Variants in LYST observed in about 807,000 individuals in gnomAD.
The protein encoded by LYST is lysosomal-trafficking regulator.
A neutral mutation model predicts 413.6 loss-of-function variants in LYST; 192 were observed. The ratio of observed to expected loss-of-function variants is 0.46; its 90% CI spans 0.41 to 0.52. The LOEUF (loss-of-function observed/expected upper bound fraction) is 0.52. Among genes scored for constraint, LYST ranks in the 20% least tolerant of loss-of-function variants. The pLI is 0.00. For missense variants in LYST, 3,815 were observed against 4,499.9 expected (o/e 0.85, Z 4.35); for synonymous variants, 1,525 against 1,567.3 (o/e 0.97, Z 0.64).
exon 1 of LYST, chr1:235,883,215 G>A (rs1681454801): frequency 6.6e-6 from 1 of 152,140 alleles, no homozygotes; most frequent in Non-Finnish European, 1.5e-5. Context: ...TTTTAGATGA[G>A]CAAGGAACTC....
chr1:235,677,318 T>G, intron 49 of LYST, 130 bp from the exon 50 acceptor site: 1 of 1,060,782 alleles, frequency 9.4e-7, no homozygotes, highest in South Asian at 1.3e-5. Flanking sequence ...TCTGATTGTA[T>G]GACTTCAATA....
At chr1:235,798,436 T>C (rs1436376576) in intron 10 of LYST, among the ~76,000 whole-genome samples, 1 of 151,458 alleles carries the variant, frequency 6.6e-6, no homozygotes, top group South Asian at 2.1e-4. Flanking sequence ...TCAATTTCTC[T>C]GTAAATCTAA....
rs578114703 is a variant in LYST at position 235,693,918 on chromosome 1, C to T, written c.10565-432G>A. Among the ~76,000 whole-genome samples, 45 of 152,186 alleles carry T rather than the reference C, an allele frequency of 3.0e-4. No homozygotes were observed. In the East Asian group the frequency reaches 7.5e-3, roughly 25 times the overall value. On this transcript the variant is annotated intron_variant, in intron 46 of 52. Coordinates refer to ENST00000389793, the MANE Select transcript of LYST (RefSeq NM_000081.4). ...CTGCTAGAGTGGAAGCAACACCTAG[C>T]CTGAGAAGGGATCATTTAATCCTGT...
At chr1:235,688,618 G>A (rs146112420) in intron 47 of LYST, among the ~76,000 whole-genome samples, 9 of 152,246 alleles carry the variant, frequency 5.9e-5, no homozygotes, top group Non-Finnish European at 1.0e-4. Flanking sequence ...GCACACAGCC[G>A]TCAGGACTCT....
At chr1:235,676,669 A>G (rs995087265) in intron 50 of LYST, among the ~76,000 whole-genome samples, 2 of 152,202 alleles carry the variant, frequency 1.3e-5, no homozygotes, top group Non-Finnish European at 2.9e-5. Flanking sequence ...TTCATGAATC[A>G]TTAATAAAAG....
chr1:235,880,274 A>G (rs1558376325), intron 1 of LYST, among the ~76,000 whole-genome samples: 1 of 152,208 alleles, frequency 6.6e-6, no homozygotes, highest in African/African-American at 2.4e-5. Context: ...AATATATGTG[A>G]AAAAAACTCA....
intron 50 of LYST, among the ~76,000 whole-genome samples, chr1:235,666,185 T>C (rs1031375461): frequency 6.6e-6 from 1 of 150,982 alleles, no homozygotes; most frequent in Non-Finnish European, 1.5e-5. Flanking sequence ...ACAACCTAAA[T>C]GTCTATCAAC....
At chr1:235,785,200 C>A (rs1473543563) in intron 14 of LYST, among the ~76,000 whole-genome samples, 3 of 152,168 alleles carry the variant, frequency 2.0e-5, no homozygotes, top group Non-Finnish European at 2.9e-5. Context: ...AGGTTTAATA[C>A]CCTGTTCTTA....
intron 21 of LYST, among the ~76,000 whole-genome samples, chr1:235,764,026 C>T (rs1667857408): frequency 6.6e-6 from 1 of 152,152 alleles, no homozygotes; most frequent in Non-Finnish European, 1.5e-5. Flanking sequence ...CACTATTTGT[C>T]CCTAGGTCCC....
intron 22 of LYST, among the ~76,000 whole-genome samples, chr1:235,759,841 T>A (rs1181461337): frequency 6.6e-6 from 1 of 152,034 alleles, no homozygotes; most frequent in Non-Finnish European, 1.5e-5. Context: ...AGCCTCTAAC[T>A]CCTGGACTCA....
intron 3 of LYST, among the ~76,000 whole-genome samples, chr1:235,822,466 G>A (rs1423333735): frequency 6.6e-6 from 1 of 152,146 alleles, no homozygotes; most frequent in Non-Finnish European, 1.5e-5. Flanking sequence ...CAGATAACCT[G>A]TCTAATTCAC....
intron 44 of LYST, among the ~76,000 whole-genome samples, chr1:235,707,879 G>A (rs1289249501): frequency 6.6e-6 from 1 of 151,882 alleles, no homozygotes; most frequent in Non-Finnish European, 1.5e-5. Flanking sequence ...TTTTTGGGGG[G>A]GGATTTTGGA....
Position 235,805,803 on chromosome 1 carries a change from G to A in LYST, c.3333C>T (p.Ala1111=), listed in dbSNP as rs1311269346. Reference sequence around the variant, plus strand: ...TAGTTCTGGCACCATGAAGACAAATGGCCAGAAGGGCTTCCAAAAGTCGTA... The same window carrying A: ...TAGTTCTGGCACCATGAAGACAAATAGCCAGAAGGGCTTCCAAAAGTCGTA... ...QSIRLLEALL[A]ICLHGARTSQ... Residue 1111 remains alanine (A), a synonymous_variant, in exon 6 of 53, where the codon GCC becomes GCT. Coordinates refer to ENST00000389793, the MANE Select transcript of LYST (RefSeq NM_000081.4). 1.2e-6 allele frequency: 2 copies of A among 1,613,336 alleles called. No individual in the cohort carries two copies. The highest frequency in any genetic ancestry group is 1.3e-5 in the African/African-American group (1 of 74,812).
intron 29 of LYST, among the ~76,000 whole-genome samples, chr1:235,746,074 G>A (rs1003654417): frequency 6.6e-6 from 1 of 152,182 alleles, no homozygotes; most frequent in African/African-American, 2.4e-5. Flanking sequence ...TTAACTGCAT[G>A]TGAATCTACA....
At position 235,791,945 on chromosome 1, in the gene LYST, G is replaced by T. The variant is rs772648319; in HGVS notation, c.4297C>A (p.Arg1433=). The change falls in exon 12 of 53, where the codon CGG becomes AGG. Residue 1433 remains arginine (R), a synonymous_variant. Coordinates refer to ENST00000389793, the MANE Select transcript of LYST (RefSeq NM_000081.4). The part of the protein sequence containing the change: ...MGLLRRARVS[R]SKKEADRESF... Reference sequence around the variant, plus strand: ...TCTCTATCAGCCTCTTTCTTGCTCCGTGAAACTCGTGCTCTTCTCAATAAA... The same window carrying T: ...TCTCTATCAGCCTCTTTCTTGCTCCTTGAAACTCGTGCTCTTCTCAATAAA... The T allele has an allele frequency of 6.2e-6, 10 of 1,613,972 alleles. No individual in the cohort carries two copies. The highest frequency in any genetic ancestry group is 1.3e-5 in the African/African-American group (1 of 74,898).
intron 1 of LYST, among the ~76,000 whole-genome samples, chr1:235,845,851 C>G (rs1188806005): frequency 6.6e-6 from 1 of 152,118 alleles, no homozygotes; most frequent in South Asian, 2.1e-4. Context: ...CAAGGAGCTG[C>G]TGAGCTCATA....
chr1:235,828,140 T>C, intron 3 of LYST: 2 of 964,144 alleles, frequency 2.1e-6, no homozygotes, highest in Non-Finnish European at 2.5e-6. Context: ...AGAAAAATTA[T>C]TGCTGCTGTT....
intron 7 of LYST, 71 bp downstream of exon 7, chr1:235,804,433 C>T: frequency 8.5e-7 from 1 of 1,182,758 alleles, no homozygotes; most frequent in Non-Finnish European, 1.3e-6. Context: ...CATCAGCGTC[C>T]TAGTGTCATC....
intron 3 of LYST, 84 bp downstream of exon 3, chr1:235,830,142 C>T: frequency 9.5e-7 from 1 of 1,056,442 alleles, no homozygotes; most frequent in South Asian, 1.3e-5. Context: ...AAGGAGGCTT[C>T]AGAAACTATG....
Sources: gnomAD v4.1 joint callset for allele counts (sites outside exome capture counted in the v4.1 genomes callset) on GRCh38, gnomAD v4.1.1 for gene constraint, MANE v1.5 for transcripts, NCBI Gene and HGNC (gene_info 2026-07-23, HGNC 2026-07-21) for gene names.